LPA: variants seen among roughly 807,000 people sequenced by gnomAD.
The protein encoded by LPA is lipoprotein(a).
A neutral mutation model predicts 197.9 loss-of-function variants in LPA; 199 were observed. The observed-to-expected ratio is 1.01, with a 90% CI of 0.90 to 1.13. LPA has a LOEUF of 1.13. Ranked by LOEUF, LPA falls within the 50% of genes most tolerant of loss-of-function variation. The probability of loss-of-function intolerance (pLI) is 0.00; values close to 1 mark genes in which losing one functional copy is unlikely to be tolerated. For missense variants in LPA, 1,853 were observed against 1,785.8 expected, an observed-to-expected ratio of 1.04 and a Z score of -0.68; for synonymous variants, 715 against 639.5, an observed-to-expected ratio of 1.12 and a Z score of -1.78.
chr6:160,600,247 C>T (rs1411347960), intron 19 of LPA, among the ~76,000 whole-genome samples: 1 of 152,190 alleles, frequency 6.6e-6, no homozygotes, highest in Non-Finnish European at 1.5e-5. Flanking sequence ...GGAATCCTCT[C>T]GTGCCCAGCA....
intron 2 of LPA, among the ~76,000 whole-genome samples, chr6:160,647,306 G>A (rs111432018): frequency 6.6e-5 from 10 of 152,286 alleles, no homozygotes; most frequent in African/African-American, 1.2e-4. Flanking sequence ...TTTGGGCTGC[G>A]GGGATCTTGA....
rs201325283 is a variant in LPA at position 160,552,276 on chromosome 6, AT to A, written c.4974-3618del. 5.2e-3 allele frequency among the ~76,000 whole-genome samples: 783 copies of A among 151,130 alleles called. 9 individuals carry two copies. Among genetic ancestry groups the A allele is most frequent in the African/African-American group, 0.018 (745 of 41,226 alleles). ...TATATTAAGGTATATAAGTCCTCCA[AT>A]TTTTTTTTCCAAAAAAGGACTGTTG... On this transcript the variant is annotated intron_variant, in intron 30 of 38. Coordinates refer to ENST00000316300, the MANE Select transcript of LPA (RefSeq NM_005577.4).
chr6:160,635,478 G>A (rs1779798701), intron 6 of LPA, among the ~76,000 whole-genome samples, 174 bp from the exon 7 acceptor site: 2 of 98,662 alleles, frequency 2.0e-5, no homozygotes, highest in African/African-American at 5.0e-5. Context: ...AATCCTCTCT[G>A]CACATCTCTC....
chr6:160,611,884 G>A (rs1245425824), intron 15 of LPA, among the ~76,000 whole-genome samples, 163 bp from the exon 16 acceptor site: 1 of 75,520 alleles, frequency 1.3e-5, no homozygotes, highest in South Asian at 6.5e-4. Context: ...AAAACATACA[G>A]CAAACCTACA....
intron 28 of LPA, among the ~76,000 whole-genome samples, chr6:160,561,290 G>A (rs1271305065): frequency 6.6e-6 from 1 of 152,186 alleles, no homozygotes; most frequent in African/African-American, 2.4e-5. Context: ...CATATGGCTA[G>A]CCAGTTTTCC....
chr6:160,568,026 C>T (rs960372878), intron 28 of LPA, among the ~76,000 whole-genome samples: 1 of 151,312 alleles, frequency 6.6e-6, no homozygotes, highest in African/African-American at 2.4e-5. Context: ...CAAAAAAAGT[C>T]CAGGAGAGAT....
chr6:160,532,895 T>A (rs1355045629), intron 37 of LPA, among the ~76,000 whole-genome samples: 1 of 152,246 alleles, frequency 6.6e-6, no homozygotes, highest in Non-Finnish European at 1.5e-5. Context: ...TTGGTTGTTG[T>A]TTGTGTACTT....
intron 30 of LPA, among the ~76,000 whole-genome samples, chr6:160,555,293 T>TTG (rs1778239569): frequency 1.1e-5 from 1 of 87,930 alleles, no homozygotes; most frequent in Non-Finnish European, 2.4e-5. Flanking sequence ...TATTATATGT[T>TTG]AGTGTGTGTG....
At chr6:160,577,095 G>A (rs1411127609) in intron 28 of LPA, 41 bp downstream of exon 28, 1 of 1,609,112 alleles carries the variant, frequency 6.2e-7, no homozygotes, top group South Asian at 1.1e-5. Flanking sequence ...CAATATTTGA[G>A]TTGGCTGTTG....
At chr6:160,584,819 C>T (rs578099141) in intron 26 of LPA, among the ~76,000 whole-genome samples, 1 of 152,202 alleles carries the variant, frequency 6.6e-6, no homozygotes, top group African/African-American at 2.4e-5. Flanking sequence ...GAGACTTCAC[C>T]ACCTCCATAT....
At chr6:160,647,686 T>C (rs1779923965) in intron 2 of LPA, among the ~76,000 whole-genome samples, 1 of 152,246 alleles carries the variant, frequency 6.6e-6, no homozygotes, top group Non-Finnish European at 1.5e-5. Flanking sequence ...AACCTTTTAT[T>C]AGTATTACAT....
chr6:160,647,342 C>G (rs1238689584), intron 2 of LPA, among the ~76,000 whole-genome samples: 2 of 152,170 alleles, frequency 1.3e-5, no homozygotes, highest in African/African-American at 4.8e-5. Context: ...TTATGCCTCC[C>G]AAGAACGTTG....
intron 36 of LPA, among the ~76,000 whole-genome samples, chr6:160,538,496 G>A (rs555618557): frequency 6.6e-6 from 1 of 152,292 alleles, no homozygotes; most frequent in South Asian, 2.1e-4. Context: ...TGGGAAATAA[G>A]CACCTTGCAT....
At chr6:160,651,199 T>C (rs1026152380) in intron 1 of LPA, among the ~76,000 whole-genome samples, 1 of 152,176 alleles carries the variant, frequency 6.6e-6, no homozygotes, top group African/African-American at 2.4e-5. Flanking sequence ...AGAACCTGAC[T>C]AAGACTGAAG....
intron 27 of LPA, among the ~76,000 whole-genome samples, 191 bp from the exon 28 acceptor site, chr6:160,577,486 A>T (rs1476257729): frequency 6.6e-6 from 1 of 152,216 alleles, no homozygotes; most frequent in East Asian, 1.9e-4. Flanking sequence ...TCATAGAAAC[A>T]TTATTTTTAA....
intron 2 of LPA, among the ~76,000 whole-genome samples, chr6:160,647,810 G>T (rs1318479469): frequency 4.6e-5 from 7 of 151,996 alleles, no homozygotes; most frequent in African/African-American, 1.7e-4. Context: ...TAAATATATT[G>T]GTATCATTTT....
At chr6:160,610,730 C>A (rs937834152) in intron 16 of LPA, among the ~76,000 whole-genome samples, 1 of 152,142 alleles carries the variant, frequency 6.6e-6, no homozygotes, top group South Asian at 2.1e-4. Flanking sequence ...CTCTGCTCAG[C>A]TAGATGGCTA....
At chr6:160,542,538 T>A (rs545455454) in intron 34 of LPA, 150 bp downstream of exon 34, 3 of 1,230,442 alleles carry the variant, frequency 2.4e-6, no homozygotes, top group East Asian at 2.7e-5. Context: ...ATAATATAAC[T>A]TTTTTTAATT....
rs1229210422 is a variant in LPA, at chr6:160,594,119, T to G, written c.3470-2A>C. 6.2e-7 allele frequency: 1 copy of G among 1,613,812 alleles called. No individual in the cohort carries two copies. On this transcript the variant is annotated splice_acceptor_variant, in intron 21 of 38. Coordinates refer to ENST00000316300, the MANE Select transcript of LPA (RefSeq NM_005577.4). LOFTEE classifies it high-confidence loss of function. ...CCCCGGGGCTTTGCTCCGTTGGTGC[T>G]GAAATTCAAAGAGGAGAAATCAAGC...
Sources: gnomAD v4.1 joint callset for allele counts (sites outside exome capture counted in the v4.1 genomes callset) on GRCh38, gnomAD v4.1.1 for gene constraint, MANE v1.5 for transcripts, NCBI Gene and HGNC (gene_info 2026-07-23, HGNC 2026-07-21) for gene names.